Variants in ANO7 observed in about 807,000 individuals in gnomAD.
The protein encoded by ANO7 is anoctamin 7.
Under a neutral mutation model 115.8 loss-of-function variants are expected in ANO7, and 114 were observed. The observed-to-expected ratio is 0.98, with a 90% CI of 0.85 to 1.15. The LOEUF (loss-of-function observed/expected upper bound fraction) is 1.15. Among genes scored for constraint, ANO7 ranks in the 50% most tolerant of loss-of-function variants. The pLI, the probability that ANO7 is intolerant of heterozygous loss-of-function variation, is 0.00. For missense variants in ANO7, 1,302 were observed against 1,201.2 expected (o/e 1.08, Z -1.24); for synonymous variants, 550 against 498.2 (o/e 1.10, Z -1.38).
intron 23 of ANO7, 21 bp from the exon 24 acceptor site, chr2:241,223,878 CCTCTTG>C: frequency 6.2e-7 from 1 of 1,614,124 alleles, no homozygotes; most frequent in East Asian, 2.2e-5. Context: ...CATCCCTCTT[CCTCTTG>C]CTGCCCTTTT....
chr2:241,234,246 G>A, the ANO7 span, among the ~76,000 whole-genome samples: 1 of 152,230 alleles, frequency 6.6e-6, no homozygotes, highest in South Asian at 2.1e-4. Context: ...GACAGAGCTA[G>A]GCAGTGAGTC....
intron 4 of ANO7, among the ~76,000 whole-genome samples, chr2:241,196,950 A>C (rs1371865663): frequency 1.3e-5 from 2 of 152,000 alleles, no homozygotes; most frequent in African/African-American, 4.8e-5. Flanking sequence ...GCATATGGCC[A>C]ACCACTCCCC....
At chr2:241,219,019 C>CT (rs2068945294) in intron 21 of ANO7, among the ~76,000 whole-genome samples, 1 of 152,184 alleles carries the variant, frequency 6.6e-6, no homozygotes, top group Non-Finnish European at 1.5e-5. Flanking sequence ...TTCTTTCCAG[C>CT]TTTTTGCTTT....
Position 241,223,935 on chromosome 2 carries a change from G to T in ANO7, c.2563G>T (p.Glu855Ter). 2 of 1,610,050 alleles carry T rather than the reference G, an allele frequency of 1.2e-6. No individual in the cohort carries two copies. Among genetic ancestry groups the T allele is most frequent in the South Asian group, 1.1e-5 (1 of 91,074 alleles). Reference sequence around the variant, plus strand: ...TTTTGGAACGAACGGAACAAAGGATGAGCAGCCCGAGGGCTCAGAGGCAAG... The same window carrying T: ...TTTTGGAACGAACGGAACAAAGGATTAGCAGCCCGAGGGCTCAGAGGCAAG... ...VLFGTNGTKD[E>*]QPEGSELSSH... Residue 855 changes from glutamate to a stop codon, truncating the protein, a stop_gained, in exon 24 of 25, where the codon GAG (glutamate) becomes TAG (stop). Transcript: ENST00000674324. LOFTEE classifies it low-confidence loss of function (END_TRUNC).
the ANO7 span, chr2:241,239,914 A>G: frequency 7.4e-6 from 12 of 1,613,948 alleles, no homozygotes; most frequent in Non-Finnish European, 9.3e-6. This position sits in a 1 kb window ranked among gnomAD's most constrained non-coding sequence, Gnocchi z 4.6. Flanking sequence ...GTTTTGGATC[A>G]AGGCCTCCAG....
chr2:241,221,889 A>G (rs1207596282), intron 21 of ANO7, among the ~76,000 whole-genome samples: 1 of 151,968 alleles, frequency 6.6e-6, no homozygotes, highest in Non-Finnish European at 1.5e-5. Flanking sequence ...CATGTTGGCC[A>G]GGCTAGTTTC....
At position 241,188,679 on chromosome 2, in the gene ANO7, T is replaced by C. The variant is rs1236002742; in HGVS notation, c.-95T>C. The C allele has an allele frequency of 6.2e-7, 1 of 1,613,162 alleles. No individual in the cohort carries two copies. Among genetic ancestry groups the C allele is most frequent in the East Asian group, 2.2e-5 (1 of 44,842 alleles). The stretch of plus-strand genomic sequence containing the variant: ...CCCCTCCCCACCCTCTGTCCCGCAG[T>C]GAGGACGGGACTCTACTGCCGAGAC... On this transcript the variant is annotated 5_prime_UTR_variant, in exon 1 of 25. Coordinates refer to ENST00000674324, the MANE Select transcript of ANO7 (RefSeq NM_001370694.2). The surrounding 1 kb of genome is among the most constrained non-coding windows in gnomAD (Gnocchi z 4.3).
At position 241,195,770 on chromosome 2, in the gene ANO7, C is replaced by G. The variant is rs1408693669; in HGVS notation, c.234C>G (p.Asp78Glu). Residue 78 changes from aspartate to glutamate, a missense_variant, in exon 4 of 25, where the codon GAC becomes GAG. Physicochemically the swap from Asp to Glu is conservative, Grantham distance 45. Transcript: ENST00000674324. ...LDRQQDSAAR[D>E]RTDMHRTWRE... ...GGCAGCAGGACAGTGCCGCCCGGGA[C>G]AGAACAGACATGCACAGGACCTGGC... 1 of 1,614,238 alleles carries G rather than the reference C, an allele frequency of 6.2e-7. No homozygotes were observed. Among genetic ancestry groups the G allele is most frequent in the East Asian group, 2.2e-5 (1 of 44,894 alleles).
chr2:241,222,014 C>A (rs534974385), intron 21 of ANO7, among the ~76,000 whole-genome samples: 1 of 152,114 alleles, frequency 6.6e-6, no homozygotes, highest in South Asian at 2.1e-4. Flanking sequence ...GCCGGTGGAT[C>A]ACAAAGTCAG....
rs202170152 is a variant in ANO7 at position 241,218,325 on chromosome 2, C to T, written c.2265C>T (p.Asn755=). The change falls in exon 21 of 25, where the codon AAC becomes AAT. Residue 755 remains asparagine, a synonymous_variant. Coordinates refer to ENST00000674324, the MANE Select transcript of ANO7 (RefSeq NM_001370694.2). The part of the protein sequence containing the change: ...TRAHDLRGFL[N]FTLARAPSSF... ...CCCACGACCTGCGCGGCTTCCTCAA[C>T]TTCACGCTGGCGCGAGCCCCGTCCT... The T allele has an allele frequency of 7.1e-3, 10,720 of 1,517,044 alleles. 58 individuals carry two copies. Among genetic ancestry groups the T allele is most frequent in the South Asian group, 9.1e-3 (748 of 82,458 alleles). The allele number at this position is 1,517,044 out of a possible 1,614,324, so 94.0% of individuals were successfully genotyped here. A position where few individuals can be genotyped will look rare whatever the true frequency, so the allele number is the denominator to read the frequency against.
At chr2:241,230,893 T>C (rs760438598), downstream of ANO7, 1 of 1,614,238 alleles carries the variant, frequency 6.2e-7, no homozygotes, top group South Asian at 1.1e-5. This position sits in a 1 kb window ranked among gnomAD's most constrained non-coding sequence, Gnocchi z 5.0. Context: ...ATAGCATCCC[T>C]GGCAGCTTCT....
intron 21 of ANO7, among the ~76,000 whole-genome samples, chr2:241,220,920 G>A (rs974692319): frequency 4.6e-5 from 7 of 151,516 alleles, no homozygotes; most frequent in African/African-American, 1.7e-4. Context: ...GCAGTGAGCC[G>A]AGATGGCGCC....
At chr2:241,230,267 C>T, downstream of ANO7, 1 of 1,579,676 alleles carries the variant, frequency 6.3e-7, no homozygotes, top group South Asian at 1.1e-5. The surrounding 1 kb of genome is among the most constrained non-coding windows in gnomAD (Gnocchi z 5.0). Context: ...AGCGAATGTC[C>T]ACCTGGAAGG....
At chr2:241,189,007 C>T (rs995555137) in intron 1 of ANO7, among the ~76,000 whole-genome samples, 5 of 152,222 alleles carry the variant, frequency 3.3e-5, no homozygotes, top group Admixed American at 3.3e-4. Flanking sequence ...AGGGGCTCCC[C>T]CATGGAGCAG....
intron 21 of ANO7, among the ~76,000 whole-genome samples, chr2:241,220,601 A>C (rs1266036188): frequency 1.3e-5 from 2 of 152,204 alleles, no homozygotes; most frequent in African/African-American, 4.8e-5. Context: ...GGAGGCCAAG[A>C]CCATCCTGGT....
chr2:241,215,804 T>C (rs1321826327), intron 18 of ANO7, among the ~76,000 whole-genome samples: 1 of 152,166 alleles, frequency 6.6e-6, no homozygotes, highest in South Asian at 2.1e-4. Context: ...GCTTTGCAAT[T>C]CCGGGAGGAG....
Position 241,199,348 on chromosome 2 carries a change from C to T in ANO7, c.342C>T (p.His114=), listed in dbSNP as rs1367567267. ...QDVQDGNTTV[H]YALLSASWAV... ...TCCAGGACGGGAACACCACAGTGCA[C>T]TACGCCCTCCTCAGCGCCTCCTGGG... is the stretch of plus-strand genomic sequence containing the variant. The change falls in exon 5 of 25, where the codon CAC becomes CAT. Residue 114 remains histidine, a synonymous_variant. Transcript: ENST00000674324. 6.2e-7 allele frequency: 1 copy of T among 1,613,638 alleles called. No individual in the cohort carries two copies. Among genetic ancestry groups the T allele is most frequent in the African/African-American group, 1.3e-5 (1 of 74,956 alleles).
chr2:241,212,176 A>T lies in ANO7; in HGVS notation c.1644A>T (p.Ser548=). The change falls in exon 16 of 25, where the codon TCA becomes TCT. Residue 548 remains serine (S), a synonymous_variant. Transcript: ENST00000674324. ...FIFQFVNFYS[S]PVYIAFFKGR... is the part of the protein sequence containing the mutation. ...TCCAGTTCGTCAACTTCTACTCCTC[A>T]CCCGTCTACATTGCCTTCTTCAAGG... The T allele has an allele frequency of 6.2e-7, 1 of 1,613,792 alleles. No individual in the cohort carries two copies. Among genetic ancestry groups the T allele is most frequent in the Non-Finnish European group, 8.5e-7 (1 of 1,179,908 alleles).
chr2:241,231,975 G>A, the ANO7 span, among the ~76,000 whole-genome samples: 1 of 152,082 alleles, frequency 6.6e-6, no homozygotes, highest in Non-Finnish European at 1.5e-5. Flanking sequence ...CAGGACTAGA[G>A]GACAGGGACA....
Sources: allele counts gnomAD v4.1 joint callset (sites outside exome capture counted in the v4.1 genomes callset), GRCh38; gene constraint gnomAD v4.1.1; non-coding constraint Gnocchi (gnomAD v3.1); transcripts MANE v1.5; gene names NCBI Gene and HGNC (gene_info 2026-07-23, HGNC 2026-07-21).